The following FRMPD3 variants were observed in gnomAD, a reference collection of about 807,000 sequenced individuals.
FRMPD3 encodes the protein FERM and PDZ domain containing 3, also known as FERM and PDZ domain-containing protein 3.
FRMPD3 carries 42 observed loss-of-function variants against 97.9 expected under a neutral mutation model. The observed-to-expected ratio is 0.43, with a 90% CI of 0.34 to 0.55. FRMPD3 has a LOEUF of 0.55. Among genes scored for constraint, FRMPD3 ranks in the 20% least tolerant of loss-of-function variants. The pLI is 0.03. For synonymous variants in FRMPD3, 577 were observed against 581.1 expected (o/e 0.99, Z 0.10); for missense variants, 1,303 against 1,457.7 (o/e 0.89, Z 1.73).
At chrX:107,572,180 T>G (rs1029077540) in intron 12 of FRMPD3, among the ~76,000 whole-genome samples, 4 of 112,231 alleles carry the variant, frequency 3.6e-5, no homozygotes, top group African/African-American at 1.3e-4. Context: ...CTAGCCAGTT[T>G]ATGGCAGCTT....
At position 107,601,294 on chromosome X, in the gene FRMPD3, C is replaced by A; in HGVS notation, c.3255C>A (p.Gly1085=). The stretch of plus-strand genomic sequence containing the variant: ...CTACAGGGGAGGTGGCAGGCAAAGG[C>A]GGGCCAGTGGGTGGTAAGCCCACCC... The part of the protein sequence containing the change: ...KQATGEVAGK[G]GPVGGKPTLQ... Residue 1085 remains glycine (G), a synonymous_variant, in exon 15 of 15, where the codon GGC becomes GGA. Transcript: ENST00000683843. 8.3e-7 allele frequency: 1 copy of A among 1,208,122 alleles called. No homozygotes were observed. Among genetic ancestry groups the A allele is most frequent in the African/African-American group, 1.7e-5 (1 of 57,850 alleles).
intron 1 of FRMPD3, among the ~76,000 whole-genome samples, chrX:107,506,999 G>C (rs1159491967): frequency 2.7e-5 from 3 of 111,117 alleles, no homozygotes; most frequent in African/African-American, 6.5e-5. Context: ...CGGCCCGGAG[G>C]GGGGCCCGAC....
At chrX:107,566,487 C>T (rs1386822144) in intron 12 of FRMPD3, among the ~76,000 whole-genome samples, 2 of 111,847 alleles carry the variant, frequency 1.8e-5, no homozygotes, top group African/African-American at 6.5e-5. Flanking sequence ...GGTAAAAAGC[C>T]AAATGGACGG....
At position 107,601,505 on chromosome X, in the gene FRMPD3, A is replaced by G; in HGVS notation, c.3466A>G (p.Ser1156Gly). Reference protein sequence around the residue: ...SCQPHGHSPSSQSRGQSPSCQ... With the variant: ...SCQPHGHSPSGQSRGQSPSCQ... ...CCAGCCTCATGGCCACAGCCCCAGC[A>G]GCCAGTCTCGAGGTCAGAGCCCCAG... The change falls in exon 15 of 15, where the codon AGC (serine) becomes GGC (glycine). Residue 1156 changes from serine to glycine, a missense_variant. Transcript: ENST00000683843. 8.5e-7 allele frequency: 1 copy of G among 1,171,742 alleles called. No individual in the cohort carries two copies. The highest frequency in any genetic ancestry group is 1.9e-5 in the South Asian group (1 of 53,198).
intron 1 of FRMPD3, among the ~76,000 whole-genome samples, chrX:107,481,951 C>G (rs973671461): frequency 1.8e-5 from 2 of 111,102 alleles, no homozygotes; most frequent in Non-Finnish European, 3.8e-5. Flanking sequence ...ATAAGTAAAC[C>G]GAGACTCAGT....
At position 107,530,281 on chromosome X, in the gene FRMPD3, A is replaced by G. The variant is rs888066555; in HGVS notation, c.149-128A>G. ...CGAATAGCACCCTCTACACCACCAC[A>G]GCTCAGCCTGCACCATCTCCAGGCC... On this transcript the variant is annotated intron_variant, in intron 2 of 14. Coordinates refer to ENST00000683843, the MANE Select transcript of FRMPD3 (RefSeq NM_001388459.1). 6 of 494,067 alleles carry G rather than the reference A, an allele frequency of 1.2e-5. No individual in the cohort carries two copies. In the Admixed American group the frequency reaches 1.9e-4, roughly 15 times the overall value. The allele number at this position is 494,067 out of a possible 1,213,427, so 40.7% of individuals were successfully genotyped here.
intron 1 of FRMPD3, among the ~76,000 whole-genome samples, chrX:107,482,234 A>C (rs770547385): frequency 9.0e-6 from 1 of 111,511 alleles, no homozygotes; most frequent in African/African-American, 3.3e-5. Context: ...AGTCAGGCCA[A>C]GCTCCAGTAG....
chrX:107,450,775 G>T (rs770520202), intron 1 of FRMPD3, among the ~76,000 whole-genome samples: 1 of 110,892 alleles, frequency 9.0e-6, no homozygotes, highest in Non-Finnish European at 1.9e-5. Context: ...GAGTGTGTGT[G>T]TGTATGTGAG....
At chrX:107,590,013 G>A (rs1923831769) in intron 13 of FRMPD3, among the ~76,000 whole-genome samples, 1 of 111,705 alleles carries the variant, frequency 9.0e-6, no homozygotes, top group Non-Finnish European at 1.9e-5. Flanking sequence ...TTAGCTGGGT[G>A]GGGTGGTGGC....
chrX:107,576,255 G>A, intron 12 of FRMPD3, 60 bp from the exon 13 acceptor site: 1 of 1,160,477 alleles, frequency 8.6e-7, no homozygotes, highest in East Asian at 3.0e-5. Flanking sequence ...CCATGCCTCT[G>A]AAAATGCATC....
intron 2 of FRMPD3, among the ~76,000 whole-genome samples, chrX:107,527,440 AC>A (rs1367255536): frequency 8.9e-6 from 1 of 112,342 alleles, no homozygotes; most frequent in African/African-American, 3.2e-5. Context: ...GTCCAGTGTC[AC>A]TCAGCTATAA....
chrX:107,466,989 G>GGTGTGTGTGTGTGT (rs773231357), intron 1 of FRMPD3, among the ~76,000 whole-genome samples: 1 of 98,161 alleles, frequency 1.0e-5, no homozygotes, highest in African/African-American at 4.1e-5. Flanking sequence ...ACAGGTTGGA[G>GGTGTGTGTGTGTGT]GTGTGTGTGT....
intron 13 of FRMPD3, among the ~76,000 whole-genome samples, chrX:107,583,106 CTTTTTCTTTT>C (rs1204638233): frequency 1.9e-5 from 2 of 106,628 alleles, no homozygotes; most frequent in East Asian, 2.9e-4. Context: ...CTCTTTTTTT[CTTTTTCTTTT>C]TTTTTCTTTT....
intron 8 of FRMPD3, among the ~76,000 whole-genome samples, chrX:107,559,037 G>A (rs1905820656): frequency 9.7e-6 from 1 of 102,962 alleles, no homozygotes; most frequent in South Asian, 4.5e-4. Flanking sequence ...TTTCGCTCTC[G>A]GCTCATTGGA....
chrX:107,477,964 G>A (rs921127694), intron 1 of FRMPD3, among the ~76,000 whole-genome samples: 1 of 111,070 alleles, frequency 9.0e-6, no homozygotes, highest in Non-Finnish European at 1.9e-5. Context: ...AAGCATGCCG[G>A]CCCTTCAAGA....
chrX:107,601,312 G>A lies in FRMPD3; in HGVS notation c.3273G>A (p.Lys1091=). The A allele has an allele frequency of 8.3e-7, 1 of 1,206,617 alleles. No individual in the cohort carries two copies. Among genetic ancestry groups the A allele is most frequent in the South Asian group, 1.8e-5 (1 of 56,154 alleles). ...VAGKGGPVGG[K]PTLQKQGTIS... The stretch of plus-strand genomic sequence containing the variant: ...GCAAAGGCGGGCCAGTGGGTGGTAA[G>A]CCCACCCTGCAGAAGCAGGGCACCA... The change falls in exon 15 of 15, where the codon AAG becomes AAA. Residue 1091 remains lysine (K), a synonymous_variant. Coordinates refer to ENST00000683843, the MANE Select transcript of FRMPD3 (RefSeq NM_001388459.1).
rs146341932 is a variant in FRMPD3 at position 107,522,135 on chromosome X, C to T, written c.-7-4447C>T. ...GCTGGGAGAATGAGCGGACAGAGTA[C>T]GTTGCGGGGCTGTCTCTTAGAGGCA... On this transcript the variant is annotated intron_variant, in intron 1 of 14. Transcript: ENST00000683843. Among the ~76,000 whole-genome samples the T allele has an allele frequency of 4.9e-3, 544 of 110,919 alleles. 9 individuals carry two copies. Among genetic ancestry groups the T allele is most frequent in the African/African-American group, 0.017 (512 of 30,495 alleles).
At chrX:107,541,836 C>T (rs1485500763) in intron 4 of FRMPD3, among the ~76,000 whole-genome samples, 1 of 112,451 alleles carries the variant, frequency 8.9e-6, no homozygotes, top group Non-Finnish European at 1.9e-5. Flanking sequence ...AGCAAAGGCT[C>T]AGGAAACCTG....
intron 1 of FRMPD3, among the ~76,000 whole-genome samples, chrX:107,509,840 C>G (rs1238020409): frequency 2.7e-5 from 3 of 111,472 alleles, no homozygotes; most frequent in Non-Finnish European, 5.6e-5. Context: ...AGACTGCAAT[C>G]TCCCTAAGGG....
Sources: gnomAD v4.1 joint callset for allele counts (sites outside exome capture counted in the v4.1 genomes callset) on GRCh38, gnomAD v4.1.1 for gene constraint, MANE v1.5 for transcripts, NCBI Gene and HGNC (gene_info 2026-07-23, HGNC 2026-07-21) for gene names.